RBL1: variants seen among roughly 807,000 people sequenced by gnomAD.
The protein encoded by RBL1 is RB transcriptional corepressor like 1, also known as retinoblastoma-like protein 1.
Under a neutral mutation model 123.0 loss-of-function variants are expected in RBL1, and 82 were observed. The observed-to-expected ratio is 0.67, with a 90% CI of 0.56 to 0.80. The LOEUF (loss-of-function observed/expected upper bound fraction) is 0.80, where lower values mean the gene tolerates loss of function less well. Ranked by LOEUF, RBL1 falls within the 30% of genes least tolerant of loss-of-function variation. RBL1 has a pLI of 0.00. For synonymous variants in RBL1, 405 were observed against 441.3 expected, an observed-to-expected ratio of 0.92 and a Z score of 1.03; for missense variants, 1,171 against 1,299.6, an observed-to-expected ratio of 0.90 and a Z score of 1.52.
chr20:37,018,890 T>A (rs888083896), intron 18 of RBL1, among the ~76,000 whole-genome samples: 34 of 152,038 alleles, frequency 2.2e-4, no homozygotes, highest in African/African-American at 8.2e-4. Flanking sequence ...GGAGGTTGCA[T>A]TGAGCTGAGA....
At chr20:37,071,358 G>A (rs967070307) in intron 2 of RBL1, among the ~76,000 whole-genome samples, 1 of 152,104 alleles carries the variant, frequency 6.6e-6, no homozygotes, top group African/African-American at 2.4e-5. Flanking sequence ...ATCTCATGTT[G>A]CAATGTAATT....
chr20:37,074,058 C>G (rs1337926020), intron 2 of RBL1, among the ~76,000 whole-genome samples: 3 of 152,018 alleles, frequency 2.0e-5, no homozygotes, highest in Non-Finnish European at 2.9e-5. Context: ...TTGCAGTGAG[C>G]TGAGATCGCG....
At chr20:36,999,780 G>T (rs1228708344) in intron 21 of RBL1, among the ~76,000 whole-genome samples, 3 of 152,160 alleles carry the variant, frequency 2.0e-5, no homozygotes, top group African/African-American at 7.2e-5. Flanking sequence ...AGACGGAGTC[G>T]CGTTTACTCA....
At chr20:37,058,130 C>CAAAAAAAAAAAAAAAAAAAAAAAAA (rs1568865641) in intron 9 of RBL1, among the ~76,000 whole-genome samples, 1 of 116,800 alleles carries the variant, frequency 8.6e-6, no homozygotes, top group Admixed American at 9.0e-5. Flanking sequence ...AAAAAAAAAA[C>CAAAAAAAAAAAAAAAAAAAAAAAAA]AAAACAAAAC....
chr20:37,086,456 C>T (rs1046988037), intron 2 of RBL1, among the ~76,000 whole-genome samples: 12 of 151,978 alleles, frequency 7.9e-5, no homozygotes, highest in African/African-American at 2.7e-4. Flanking sequence ...GGCGTGGTGG[C>T]GGGCGCCTGT....
At chr20:37,047,566 A>T (rs368358139) in intron 11 of RBL1, among the ~76,000 whole-genome samples, 18 of 152,362 alleles carry the variant, frequency 1.2e-4, no homozygotes, top group African/African-American at 4.3e-4. Context: ...CACAGTTTAG[A>T]CAAAACTGTT....
chr20:37,033,147 T>C (rs1430074512), intron 15 of RBL1, among the ~76,000 whole-genome samples: 3 of 149,290 alleles, frequency 2.0e-5, no homozygotes, highest in Non-Finnish European at 3.0e-5. Context: ...CCCCCGCAAA[T>C]AGCTGAGACT....
In RBL1 at chr20:37,095,996, A is replaced by T; in HGVS notation, c.-68T>A. 1 of 1,282,224 alleles carries T rather than the reference A, an allele frequency of 7.8e-7. No homozygotes were observed. Among genetic ancestry groups the T allele is most frequent in the South Asian group, 1.6e-5 (1 of 61,352 alleles). 79.4% of individuals were successfully genotyped at this position (1,282,224 alleles called of 1,614,324 possible). Reference sequence around the variant, plus strand: ...TTTCTCCCTCCCAGGCGCGCTACCCACAACCACCTGCGCCAAAGCGCGCGA... The same window carrying T: ...TTTCTCCCTCCCAGGCGCGCTACCCTCAACCACCTGCGCCAAAGCGCGCGA... On this transcript the variant is annotated 5_prime_UTR_variant, in exon 1 of 22. Coordinates refer to ENST00000373664, the MANE Select transcript of RBL1 (RefSeq NM_002895.5).
intron 21 of RBL1, among the ~76,000 whole-genome samples, chr20:37,000,914 G>C (rs1292224009): frequency 7.6e-5 from 9 of 118,754 alleles, no homozygotes; most frequent in African/African-American, 3.0e-4. Context: ...TCAGCCCCCC[G>C]CCCGGCCAGC....
chr20:37,066,114 T>G (rs2065172979), intron 6 of RBL1, among the ~76,000 whole-genome samples: 1 of 152,172 alleles, frequency 6.6e-6, no homozygotes, highest in South Asian at 2.1e-4. Flanking sequence ...AAACCCCTCC[T>G]TTTACCAAAG....
chr20:37,027,045 T>C (rs1159632294), intron 16 of RBL1, among the ~76,000 whole-genome samples: 1 of 149,852 alleles, frequency 6.7e-6, no homozygotes, highest in Non-Finnish European at 1.5e-5. Context: ...ACCAAAAAAT[T>C]ATTACAAGAA....
At chr20:37,043,319 T>C (rs1179326934) in intron 13 of RBL1, among the ~76,000 whole-genome samples, 2 of 151,698 alleles carry the variant, frequency 1.3e-5, no homozygotes, top group East Asian at 3.9e-4. Context: ...AAACCCCGTC[T>C]CTACTAAAAA....
rs62206487 is a variant in RBL1 at position 37,074,307 on chromosome 20, G to A, written c.291-6121C>T. ...CATGCACCTGTGATCTTAGCTACTC[G>A]AGGGGCTGAGGTAGGCAGATCGCTT... On this transcript the variant is annotated intron_variant, in intron 2 of 21. Coordinates refer to ENST00000373664, the MANE Select transcript of RBL1 (RefSeq NM_002895.5). Among the ~76,000 whole-genome samples the A allele has an allele frequency of 2.7e-3, 416 of 151,408 alleles. 2 individuals carry two copies. The highest frequency in any genetic ancestry group is 9.7e-3 in the African/African-American group (399 of 41,208).
At chr20:37,081,157 G>T (rs2146325091) in intron 2 of RBL1, among the ~76,000 whole-genome samples, 1 of 152,230 alleles carries the variant, frequency 6.6e-6, no homozygotes, top group South Asian at 2.1e-4. Flanking sequence ...CAGTTTCCAG[G>T]ACCACTTCTC....
intron 1 of RBL1, among the ~76,000 whole-genome samples, chr20:37,089,435 G>A (rs551146675): frequency 2.9e-4 from 44 of 152,090 alleles, no homozygotes; most frequent in African/African-American, 1.1e-3. Flanking sequence ...AGTATCACTT[G>A]ATGCCAGGAG....
rs1283123421 is a variant in RBL1 at position 36,998,155 on chromosome 20, AG to A, written c.*603del. ...ATTTATTTTTAAAAGAGAGCTAAAA[AG>A]TTATGGGGTTTCTCCTTATTTCATC... On this transcript the variant is annotated 3_prime_UTR_variant, in exon 22 of 22. Transcript: ENST00000373664. 1 of 152,100 alleles carries A rather than the reference AG, an allele frequency of 6.6e-6. No individual in the cohort carries two copies. The highest frequency in any genetic ancestry group is 1.5e-5 in the Non-Finnish European group (1 of 68,020). The allele number at this position is 152,100 out of a possible 1,614,324, so 9.4% of individuals were successfully genotyped here.
intron 2 of RBL1, among the ~76,000 whole-genome samples, chr20:37,070,618 C>G (rs1219986714): frequency 6.6e-6 from 1 of 152,018 alleles, no homozygotes. Flanking sequence ...GAGTAAAATT[C>G]AAGAGTTTGA....
intron 16 of RBL1, among the ~76,000 whole-genome samples, chr20:37,032,455 G>A (rs1026733735): frequency 6.6e-6 from 1 of 151,998 alleles, no homozygotes; most frequent in Admixed American, 6.6e-5. Context: ...ATGGGAAGAC[G>A]AAAAAGTTCT....
chr20:37,022,799 G>T lies in RBL1; in HGVS notation c.2410C>A (p.Arg804Ser). 6.2e-7 allele frequency: 1 copy of T among 1,612,454 alleles called. No individual in the cohort carries two copies. Among genetic ancestry groups the T allele is most frequent in the Non-Finnish European group, 8.5e-7 (1 of 1,179,158 alleles). The change falls in exon 17 of 22, where the codon CGT becomes AGT. Residue 804 changes from arginine (R) to serine (S), a missense_variant. Arg to Ser is a moderately radical substitution (Grantham distance 110). Coordinates refer to ENST00000373664, the MANE Select transcript of RBL1 (RefSeq NM_002895.5). ...KVYHLASVRL[R>S]DLCLKLDVSN... ...ACATCCAGTTTTAGACATAGATCACGTAAGCGTACACTTGCCAAATGATAG... is the reference window on the plus strand; with the variant it reads ...ACATCCAGTTTTAGACATAGATCACTTAAGCGTACACTTGCCAAATGATAG...
Sources: allele counts gnomAD v4.1 joint callset (sites outside exome capture counted in the v4.1 genomes callset), GRCh38; gene constraint gnomAD v4.1.1; transcripts MANE v1.5; gene names NCBI Gene and HGNC (gene_info 2026-07-23, HGNC 2026-07-21).